The following EVC variants were observed in gnomAD, a reference collection of about 807,000 sequenced individuals.
The protein encoded by EVC is evC complex member EVC.
A neutral mutation model predicts 118.9 loss-of-function variants in EVC; 116 were observed. That is an observed-to-expected ratio of 0.98 (90% CI 0.84 to 1.14). EVC has a LOEUF of 1.14. Among genes scored for constraint, EVC ranks in the 50% most tolerant of loss-of-function variants. EVC has a pLI of 0.00. For missense variants in EVC, 1,401 were observed against 1,246.4 expected, an observed-to-expected ratio of 1.12 and a Z score of -1.87; for synonymous variants, 619 against 534.7, an observed-to-expected ratio of 1.16 and a Z score of -2.18.
rs1464044236 is a variant in EVC at position 5,716,908 on chromosome 4, C to T, written c.175-2340C>T. Among the ~76,000 whole-genome samples, 3 of 152,152 alleles carry T rather than the reference C, an allele frequency of 2.0e-5. No individual in the cohort carries two copies. In the East Asian group the frequency reaches 5.8e-4, roughly 29 times the overall value. On this transcript the variant is annotated intron_variant, in intron 1 of 20. Coordinates refer to ENST00000264956, the MANE Select transcript of EVC (RefSeq NM_153717.3). ...CGAAACCTCTTTTCCTTTTGTTCCT[C>T]TGTAGAATCTTAAAGAACCTTTACC...
chr4:5,721,648 CT>C (rs1429267973), intron 2 of EVC, among the ~76,000 whole-genome samples: 2 of 152,116 alleles, frequency 1.3e-5, no homozygotes, highest in Non-Finnish European at 2.9e-5. Context: ...CGGGCAGACA[CT>C]TAAGGTCAGG....
At chr4:5,826,277 G>A in the EVC span, 2 of 153,118 alleles carry the variant, frequency 1.3e-5, no homozygotes, top group Non-Finnish European at 2.9e-5. Flanking sequence ...CCATCTTCAT[G>A]TATGTTCTTG....
chr4:5,796,911 C>T, intron 13 of EVC, 111 bp from the exon 14 acceptor site: 1 of 854,012 alleles, frequency 1.2e-6, no homozygotes, highest in South Asian at 1.4e-5. Context: ...GTGATTCCAA[C>T]CTGCTTCCTT....
rs1730806846 is a variant in EVC at position 5,754,027 on chromosome 4, C to G, written c.1464+94C>G. On this transcript the variant is annotated intron_variant, in intron 10 of 20. Transcript: ENST00000264956. The surrounding 1 kb of genome is among the most constrained non-coding windows in gnomAD (Gnocchi z 5.8). Reference sequence around the variant, plus strand: ...CGGGACGCCGGAGGTATTCATCAGGCATGAGGTTATCTGCCTACTTCCCAT... The same window carrying G: ...CGGGACGCCGGAGGTATTCATCAGGGATGAGGTTATCTGCCTACTTCCCAT... The G allele has an allele frequency of 2.6e-6, 4 of 1,526,648 alleles. No homozygotes were observed. Among genetic ancestry groups the G allele is most frequent in the African/African-American group, 2.7e-5 (2 of 73,114 alleles). The allele number at this position is 1,526,648 out of a possible 1,614,324, so 94.6% of individuals were successfully genotyped here. A position where few individuals can be genotyped will look rare whatever the true frequency, so the allele number is the denominator to read the frequency against.
rs1728835768 is a variant in EVC at position 5,742,981 on chromosome 4, T to C, written c.801+1167T>C. ...TGCTTGGCAACTGTATTTATACTCATGTAAACCCACTTTCAATTACATGCA... is the reference window on the plus strand; with the variant it reads ...TGCTTGGCAACTGTATTTATACTCACGTAAACCCACTTTCAATTACATGCA... On this transcript the variant is annotated intron_variant, in intron 6 of 20. Coordinates refer to ENST00000264956, the MANE Select transcript of EVC (RefSeq NM_153717.3). This position sits in a 1 kb window ranked among gnomAD's most constrained non-coding sequence, Gnocchi z 5.2. Among the ~76,000 whole-genome samples the C allele has an allele frequency of 6.6e-6, 1 of 152,218 alleles. No homozygotes were observed. Among genetic ancestry groups the C allele is most frequent in the Admixed American group, 6.5e-5 (1 of 15,280 alleles).
At chr4:5,828,991 A>G in the EVC span, among the ~76,000 whole-genome samples, 1 of 152,132 alleles carries the variant, frequency 6.6e-6, no homozygotes, top group Non-Finnish European at 1.5e-5. Flanking sequence ...AATAAGTAAA[A>G]TGTTCTTCAT....
intron 8 of EVC, chr4:5,752,552 C>T (rs921701235): frequency 5.9e-5 from 31 of 529,368 alleles, no homozygotes; most frequent in Admixed American, 6.3e-5. Context: ...TCTGGATTCC[C>T]TCCTAGGAGG....
intron 5 of EVC, among the ~76,000 whole-genome samples, chr4:5,739,789 G>T (rs1249679317): frequency 6.6e-6 from 1 of 151,878 alleles, no homozygotes; most frequent in East Asian, 1.9e-4. Context: ...TACCAGGCGG[G>T]ATGCAGTGAC....
the EVC span, chr4:5,824,631 C>T: frequency 2.1e-6 from 2 of 950,474 alleles, no homozygotes; most frequent in African/African-American, 1.8e-5. Context: ...ATAGTTTGTA[C>T]ATTTTCAAAT....
intron 11 of EVC, among the ~76,000 whole-genome samples, chr4:5,770,289 G>A (rs967017077): frequency 2.0e-5 from 3 of 152,154 alleles, no homozygotes; most frequent in Non-Finnish European, 4.4e-5. Context: ...CAGAGGTCAA[G>A]CTGAGACCAC....
intron 14 of EVC, among the ~76,000 whole-genome samples, chr4:5,797,959 C>T (rs1287203556): frequency 6.6e-6 from 1 of 152,200 alleles, no homozygotes; most frequent in East Asian, 1.9e-4. Flanking sequence ...GGTAGGCTGG[C>T]TCCAGGCCTC....
rs780372693 is a variant in EVC, at chr4:5,797,053, C to G, written c.1918C>G (p.Leu640Val). ...GCGGTGTGTCCTGCAGGGGCATGACCTGCTGTTGCGCTCAGCCCTCCGGAG... is the reference window on the plus strand; with the variant it reads ...GCGGTGTGTCCTGCAGGGGCATGACGTGCTGTTGCGCTCAGCCCTCCGGAG... ...STRCVLQGHD[L>V]LLRSALRRLA... The change falls in exon 14 of 21, where the codon CTG (leucine) becomes GTG (valine). Residue 640 changes from leucine (L) to valine (V), a missense_variant. Coordinates refer to ENST00000264956, the MANE Select transcript of EVC (RefSeq NM_153717.3). 18 of 1,613,402 alleles carry G rather than the reference C, an allele frequency of 1.1e-5. No individual in the cohort carries two copies. Among genetic ancestry groups the G allele is most frequent in the Non-Finnish European group, 1.5e-5 (18 of 1,179,952 alleles).
chr4:5,767,621 C>T (rs528053856), intron 11 of EVC, among the ~76,000 whole-genome samples: 4 of 151,902 alleles, frequency 2.6e-5, no homozygotes, highest in Admixed American at 6.6e-5. Context: ...TTTTTAAGCC[C>T]GTCGGAAAAG....
At chr4:5,782,860 G>C (rs895596907) in intron 11 of EVC, among the ~76,000 whole-genome samples, 3 of 152,164 alleles carry the variant, frequency 2.0e-5, no homozygotes, top group Non-Finnish European at 4.4e-5. Context: ...AAGACAAAGA[G>C]ACCAGTGGGG....
At chr4:5,760,840 C>T (rs927728371) in intron 11 of EVC, among the ~76,000 whole-genome samples, 2 of 152,188 alleles carry the variant, frequency 1.3e-5, no homozygotes, top group East Asian at 3.8e-4. Context: ...GCGTGAGCCA[C>T]CGCTCCCGGC....
chr4:5,725,403 A>G (rs1197526426), intron 2 of EVC, among the ~76,000 whole-genome samples: 1 of 152,138 alleles, frequency 6.6e-6, no homozygotes, highest in Non-Finnish European at 1.5e-5. Flanking sequence ...TTGACTTTTT[A>G]ATAATCACCA....
chr4:5,778,287 C>T lies in EVC; in HGVS notation c.1564-5265C>T, dbSNP rs1735028463. Reference sequence around the variant, plus strand: ...AAGTCTTTGCTATTGTGAATAGTGCCGCAGTAAACATACGTGTGCATATGT... The same window carrying T: ...AAGTCTTTGCTATTGTGAATAGTGCTGCAGTAAACATACGTGTGCATATGT... On this transcript the variant is annotated intron_variant, in intron 11 of 20. Coordinates refer to ENST00000264956, the MANE Select transcript of EVC (RefSeq NM_153717.3). Among the ~76,000 whole-genome samples the T allele has an allele frequency of 2.6e-5, 4 of 151,932 alleles. 1 individual carries two copies. Among genetic ancestry groups the T allele is most frequent in the South Asian group, 4.2e-4 (2 of 4,800 alleles).
chr4:5,760,871 G>C (rs997151103), intron 11 of EVC, among the ~76,000 whole-genome samples: 2 of 152,204 alleles, frequency 1.3e-5, no homozygotes, highest in Non-Finnish European at 2.9e-5. Context: ...GCCTGTGTCA[G>C]CATGTCTCCC....
chr4:5,798,767 GGGCCAAGGACA>G lies in EVC; in HGVS notation c.2282_2292del (p.Ala761GlyfsTer2). ...GCACGGAATGCAGCCACCAAGAGCCGGGCCAAGGACAGGGATGACTTCAAGGTATGCACTGA... is the reference window on the plus strand; with the variant it reads ...GCACGGAATGCAGCCACCAAGAGCCGGGGATGACTTCAAGGTATGCACTGA... On this transcript the variant is annotated frameshift_variant, in exon 15 of 21. Transcript: ENST00000264956. LOFTEE classifies it high-confidence loss of function. The surrounding 1 kb of genome is among the most constrained non-coding windows in gnomAD (Gnocchi z 4.1). 3 of 1,611,054 alleles carry G rather than the reference GGGCCAAGGACA, an allele frequency of 1.9e-6. No individual in the cohort carries two copies. The highest frequency in any genetic ancestry group is 2.5e-6 in the Non-Finnish European group (3 of 1,179,938).
Sources: gnomAD v4.1 joint callset for allele counts (sites outside exome capture counted in the v4.1 genomes callset) on GRCh38, gnomAD v4.1.1 for gene constraint, Gnocchi (gnomAD v3.1) non-coding constraint, MANE v1.5 for transcripts, NCBI Gene and HGNC (gene_info 2026-07-23, HGNC 2026-07-21) for gene names.